The following WNT1 variants were observed in gnomAD, a reference collection of about 807,000 sequenced individuals.
WNT1 encodes the protein proto-oncogene Wnt-1.
Under a neutral mutation model 21.3 loss-of-function variants are expected in WNT1, and 10 were observed. The observed-to-expected ratio is 0.47, with a 90% CI of 0.29 to 0.80. The LOEUF (loss-of-function observed/expected upper bound fraction) is 0.80. Among genes scored for constraint, WNT1 ranks in the 30% least tolerant of loss-of-function variants. The probability of loss-of-function intolerance (pLI) is 0.09; values close to 1 mark genes in which losing one functional copy is unlikely to be tolerated. For missense variants in WNT1, 476 were observed against 534.1 expected, an observed-to-expected ratio of 0.89 and a Z score of 1.07; for synonymous variants, 208 against 236.3, an observed-to-expected ratio of 0.88 and a Z score of 1.10.
rs547600403 is a variant in WNT1, at chr12:48,980,757, G to T, written c.624+68G>T. 1.8e-4 allele frequency: 259 copies of T among 1,472,590 alleles called. No individual in the cohort carries two copies. In the African/African-American group the frequency reaches 3.4e-3, roughly 19 times the overall value. The allele number at this position is 1,472,590 out of a possible 1,614,324, so 91.2% of individuals were successfully genotyped here. A position where few individuals can be genotyped will look rare whatever the true frequency, so the allele number is the denominator to read the frequency against. On this transcript the variant is annotated intron_variant, in intron 3 of 3. Transcript: ENST00000293549. The surrounding 1 kb of genome is among the most constrained non-coding windows in gnomAD (Gnocchi z 7.0). ...GCCAACCTCGGGCTGGGGAAGTGACGGTCGGTGAGATAAGGCAAGGGGCAC... is the reference window on the plus strand; with the variant it reads ...GCCAACCTCGGGCTGGGGAAGTGACTGTCGGTGAGATAAGGCAAGGGGCAC...
rs1470641071 is a variant in WNT1, at chr12:48,982,550, A to G, written c.*910A>G. Among the ~76,000 whole-genome samples the G allele has an allele frequency of 2.6e-5, 4 of 152,230 alleles. No homozygotes were observed. The highest frequency in any genetic ancestry group is 4.4e-5 in the Non-Finnish European group (3 of 68,000). On this transcript the variant is annotated 3_prime_UTR_variant, in exon 4 of 4. Transcript: ENST00000293549. ...ATCAGTATTTCCTTCCACTGTAGCT[A>G]TTAGCGGCTCCTCGCCCCCACCAGT... is the stretch of plus-strand genomic sequence containing the variant.
At position 48,978,710 on chromosome 12, in the gene WNT1, C is replaced by T. The variant is rs776389026; in HGVS notation, c.60C>T (p.Ala20=). Residue 20 remains alanine (A), a synonymous_variant, in exon 1 of 4, where the codon GCC becomes GCT. Transcript: ENST00000293549. The surrounding 1 kb of genome is among the most constrained non-coding windows in gnomAD (Gnocchi z 7.4). ...WVSATLLLAL[A]ALPAALAANS... ...CTGCTACGCTGCTGCTGGCGCTGGC[C>T]GCTCTGCCCGCAGCCCTGGCTGCCA... 6.2e-7 allele frequency: 1 copy of T among 1,603,946 alleles called. No homozygotes were observed. The highest frequency in any genetic ancestry group is 1.7e-5 in the Admixed American group (1 of 59,836).
Position 48,980,346 on chromosome 12 carries a change from C to T in WNT1, c.359-78C>T. 1.3e-6 allele frequency: 2 copies of T among 1,545,768 alleles called. No individual in the cohort carries two copies. Among genetic ancestry groups the T allele is most frequent in the Non-Finnish European group, 8.9e-7 (1 of 1,128,796 alleles). Reference sequence around the variant, plus strand: ...AAAGTGCGGAGTCGGGGGTGGGATTCCGGTCCCAAGCCCTTCATGAGGGTG... The same window carrying T: ...AAAGTGCGGAGTCGGGGGTGGGATTTCGGTCCCAAGCCCTTCATGAGGGTG... On this transcript the variant is annotated intron_variant, in intron 2 of 3. Coordinates refer to ENST00000293549, the MANE Select transcript of WNT1 (RefSeq NM_005430.4). The surrounding 1 kb of genome is among the most constrained non-coding windows in gnomAD (Gnocchi z 7.0).
At position 48,982,115 on chromosome 12, in the gene WNT1, G is replaced by C. The variant is rs1941024234; in HGVS notation, c.*475G>C. On this transcript the variant is annotated 3_prime_UTR_variant, in exon 4 of 4. Transcript: ENST00000293549. ...ACCCTGAACCCACACCTGGGCATCAGGGCCTTTCTCCTCCCCACCTGTAGC... is the reference window on the plus strand; with the variant it reads ...ACCCTGAACCCACACCTGGGCATCACGGCCTTTCTCCTCCCCACCTGTAGC... Among the ~76,000 whole-genome samples the C allele has an allele frequency of 6.6e-6, 1 of 152,186 alleles. No individual in the cohort carries two copies. The highest frequency in any genetic ancestry group is 1.5e-5 in the Non-Finnish European group (1 of 68,022).
Position 48,979,871 on chromosome 12 carries a change from C to A in WNT1, c.358+150C>A. 8.3e-7 allele frequency: 1 copy of A among 1,207,382 alleles called. No individual in the cohort carries two copies. Among genetic ancestry groups the A allele is most frequent in the Non-Finnish European group, 1.1e-6 (1 of 897,690 alleles). 74.8% of individuals were successfully genotyped at this position (1,207,382 alleles called of 1,614,324 possible). ...AAGTGCCTCGTGCCCAGCGCCAGCT[C>A]GGGGCCAGACTTCTACCAGGCGTTT... On this transcript the variant is annotated intron_variant, in intron 2 of 3. Transcript: ENST00000293549. This position sits in a 1 kb window ranked among gnomAD's most constrained non-coding sequence, Gnocchi z 6.0.
chr12:48,981,440 C>G lies in WNT1; in HGVS notation c.913C>G (p.Leu305Val), dbSNP rs776468931. 2.9e-5 allele frequency: 46 copies of G among 1,569,250 alleles called. No individual in the cohort carries two copies. Among genetic ancestry groups the G allele is most frequent in the Non-Finnish European group, 3.9e-5 (45 of 1,156,930 alleles). ...CAACTTCTGCACGTACAGCGGACGC[C>G]TGGGCACAGCAGGCACGGCAGGGCG... is the stretch of plus-strand genomic sequence containing the variant. ...SPNFCTYSGR[L>V]GTAGTAGRAC... The change falls in exon 4 of 4, where the codon CTG (leucine) becomes GTG (valine). Residue 305 changes from leucine (L) to valine (V), a missense_variant. Coordinates refer to ENST00000293549, the MANE Select transcript of WNT1 (RefSeq NM_005430.4). The surrounding 1 kb of genome is among the most constrained non-coding windows in gnomAD (Gnocchi z 7.4).
Position 48,981,129 on chromosome 12 carries a change from T to C in WNT1, c.625-23T>C. On this transcript the variant is annotated intron_variant, in intron 3 of 3. Coordinates refer to ENST00000293549, the MANE Select transcript of WNT1 (RefSeq NM_005430.4). This position sits in a 1 kb window ranked among gnomAD's most constrained non-coding sequence, Gnocchi z 7.4. Reference sequence around the variant, plus strand: ...ACTCTGGCCCGGTGCCCTGGGACACTCTTTCTTCCCCTATCCCCGCAGACC... The same window carrying C: ...ACTCTGGCCCGGTGCCCTGGGACACCCTTTCTTCCCCTATCCCCGCAGACC... The C allele has an allele frequency of 1.2e-6, 2 of 1,608,530 alleles. No homozygotes were observed. Among genetic ancestry groups the C allele is most frequent in the South Asian group, 1.1e-5 (1 of 90,706 alleles).
rs1940991962 is a variant in WNT1 at position 48,980,251 on chromosome 12, A to T, written c.359-173A>T. On this transcript the variant is annotated intron_variant, in intron 2 of 3. Transcript: ENST00000293549. The surrounding 1 kb of genome is among the most constrained non-coding windows in gnomAD (Gnocchi z 7.0). ...CGCCCGTGGACGTGGCTGCGTGCCC[A>T]CGCACCTGCTTTCTCTACTAGCCCT... 6.6e-6 allele frequency among the ~76,000 whole-genome samples: 1 copy of T among 152,236 alleles called. No homozygotes were observed. Among genetic ancestry groups the T allele is most frequent in the Non-Finnish European group, 1.5e-5 (1 of 68,050 alleles).
chr12:48,980,177 C>T lies in WNT1; in HGVS notation c.359-247C>T, dbSNP rs1940990988. Among the ~76,000 whole-genome samples, 1 of 152,220 alleles carries T rather than the reference C, an allele frequency of 6.6e-6. No homozygotes were observed. Among genetic ancestry groups the T allele is most frequent in the Non-Finnish European group, 1.5e-5 (1 of 68,042 alleles). On this transcript the variant is annotated intron_variant, in intron 2 of 3. Transcript: ENST00000293549. This position sits in a 1 kb window ranked among gnomAD's most constrained non-coding sequence, Gnocchi z 7.0. ...TGTCTCTCTGGGGCTGCTCCACTTC[C>T]GCTATCGAGCCAAAATGCGCCCTAG...
At position 48,981,016 on chromosome 12, in the gene WNT1, C is replaced by T; in HGVS notation, c.625-136C>T. On this transcript the variant is annotated intron_variant, in intron 3 of 3. Transcript: ENST00000293549. This position sits in a 1 kb window ranked among gnomAD's most constrained non-coding sequence, Gnocchi z 7.4. ...CAAATCTCAGCGGAACATTTCGCGC[C>T]TCCCTTCCCCTGGGCTCAGCTAGGC... 1 of 1,402,588 alleles carries T rather than the reference C, an allele frequency of 7.1e-7. No homozygotes were observed. Among genetic ancestry groups the T allele is most frequent in the Middle Eastern group, 2.0e-4 (1 of 5,030 alleles). The allele number at this position is 1,402,588 out of a possible 1,614,324, so 86.9% of individuals were successfully genotyped here.
chr12:48,980,974 G>A lies in WNT1; in HGVS notation c.625-178G>A, dbSNP rs1366674728. 6.6e-6 allele frequency among the ~76,000 whole-genome samples: 1 copy of A among 152,218 alleles called. No homozygotes were observed. The highest frequency in any genetic ancestry group is 1.9e-4 in the East Asian group (1 of 5,190). On this transcript the variant is annotated intron_variant, in intron 3 of 3. Transcript: ENST00000293549. The surrounding 1 kb of genome is among the most constrained non-coding windows in gnomAD (Gnocchi z 7.0). The stretch of plus-strand genomic sequence containing the variant: ...GAGACTGACTCGCCGCGGCGGAGCA[G>A]GGTTGGGCAGGGTTTCCAAATCTCA...
In WNT1 at chr12:48,980,618, G is replaced by T. The variant is rs751460603; in HGVS notation, c.553G>T (p.Val185Leu). The T allele has an allele frequency of 6.2e-7, 1 of 1,603,162 alleles. No homozygotes were observed. The highest frequency in any genetic ancestry group is 8.5e-7 in the Non-Finnish European group (1 of 1,174,352). The part of the protein sequence containing the change: ...DFGRLFGREF[V>L]DSGEKGRDLR... ...CGGCCGCCTCTTCGGCCGGGAGTTC[G>T]TGGACTCCGGGGAGAAGGGGCGGGA... The change falls in exon 3 of 4, where the codon GTG (valine) becomes TTG (leucine). Residue 185 changes from valine (V) to leucine (L), a missense_variant. By Grantham distance (32) the Val-to-Leu change is conservative. Transcript: ENST00000293549. This position sits in a 1 kb window ranked among gnomAD's most constrained non-coding sequence, Gnocchi z 7.0.
Position 48,978,325 on chromosome 12 carries a change from C to A in WNT1, c.-326C>A, listed in dbSNP as rs57696208. On this transcript the variant is annotated 5_prime_UTR_variant, in exon 1 of 4. Coordinates refer to ENST00000293549, the MANE Select transcript of WNT1 (RefSeq NM_005430.4). This position sits in a 1 kb window ranked among gnomAD's most constrained non-coding sequence, Gnocchi z 7.4. ...CCAACCCGTCAGCTCTCGGCTCAGACGGGCGGGAACCACAGCCCCGCTCGC... is the reference window on the plus strand; with the variant it reads ...CCAACCCGTCAGCTCTCGGCTCAGAAGGGCGGGAACCACAGCCCCGCTCGC... The A allele has an allele frequency of 2.9e-6, 1 of 349,780 alleles. No homozygotes were observed. Among genetic ancestry groups the A allele is most frequent in the Non-Finnish European group, 5.3e-6 (1 of 189,420 alleles). 21.7% of individuals were successfully genotyped at this position (349,780 alleles called of 1,614,324 possible). A position where few individuals can be genotyped will look rare whatever the true frequency, so the allele number is the denominator to read the frequency against.
Position 48,979,477 on chromosome 12 carries a change from G to C in WNT1, c.114G>C (p.Val38=), listed in dbSNP as rs1940981759. The C allele has an allele frequency of 6.2e-6, 10 of 1,610,186 alleles. No individual in the cohort carries two copies. The highest frequency in any genetic ancestry group is 7.6e-6 in the Non-Finnish European group (9 of 1,177,416). Residue 38 remains valine (V), a synonymous_variant, in exon 2 of 4, where the codon GTG becomes GTC. Transcript: ENST00000293549. This position sits in a 1 kb window ranked among gnomAD's most constrained non-coding sequence, Gnocchi z 6.0. The part of the protein sequence containing the change: ...ANSSGRWWGI[V]NVASSTNLLT... ...TCATACGTCCCACCAGGGGTATTGT[G>C]AACGTAGCCTCCTCCACGAACCTGC...
At position 48,981,136 on chromosome 12, in the gene WNT1, T is replaced by C. The variant is rs1227445309; in HGVS notation, c.625-16T>C. On this transcript the variant is annotated splice_polypyrimidine_tract_variant and intron_variant, in intron 3 of 3. Transcript: ENST00000293549. The surrounding 1 kb of genome is among the most constrained non-coding windows in gnomAD (Gnocchi z 7.4). ...CCCGGTGCCCTGGGACACTCTTTCTTCCCCTATCCCCGCAGACCGTATTCT... is the reference window on the plus strand; with the variant it reads ...CCCGGTGCCCTGGGACACTCTTTCTCCCCCTATCCCCGCAGACCGTATTCT... The C allele has an allele frequency of 1.2e-6, 2 of 1,609,490 alleles. No individual in the cohort carries two copies. The highest frequency in any genetic ancestry group is 1.7e-6 in the Non-Finnish European group (2 of 1,178,634).
rs1940986729 is a variant in WNT1 at position 48,979,819 on chromosome 12, C to T, written c.358+98C>T. The T allele has an allele frequency of 9.1e-6, 13 of 1,432,654 alleles. No homozygotes were observed. The South Asian group carries it at 1.6e-4, about 18-fold the overall frequency. The allele number at this position is 1,432,654 out of a possible 1,614,324, so 88.7% of individuals were successfully genotyped here. On this transcript the variant is annotated intron_variant, in intron 2 of 3. Coordinates refer to ENST00000293549, the MANE Select transcript of WNT1 (RefSeq NM_005430.4). This position sits in a 1 kb window ranked among gnomAD's most constrained non-coding sequence, Gnocchi z 6.0. ...AGTTCAGAGAAGGTGTCCCAGGCGC[C>T]TGGAGGGTCACACAATCAACCTTGC...
chr12:48,981,497 G>C lies in WNT1; in HGVS notation c.970G>C (p.Gly324Arg), dbSNP rs765259238. The C allele has an allele frequency of 5.2e-6, 8 of 1,550,664 alleles. No individual in the cohort carries two copies. Among genetic ancestry groups the C allele is most frequent in the Middle Eastern group, 1.7e-4 (1 of 5,980 alleles). Residue 324 changes from glycine (G) to arginine (R), a missense_variant, in exon 4 of 4, where the codon GGC becomes CGC. Physicochemically the swap from Gly to Arg is moderately radical, Grantham distance 125. Coordinates refer to ENST00000293549, the MANE Select transcript of WNT1 (RefSeq NM_005430.4). This position sits in a 1 kb window ranked among gnomAD's most constrained non-coding sequence, Gnocchi z 7.4. The part of the protein sequence containing the change: ...ACNSSSPALD[G>R]CELLCCGRGH... Reference sequence around the variant, plus strand: ...TAACAGCTCGTCGCCCGCGCTGGACGGCTGCGAGCTGCTCTGCTGCGGCAG... The same window carrying C: ...TAACAGCTCGTCGCCCGCGCTGGACCGCTGCGAGCTGCTCTGCTGCGGCAG...
Position 48,979,341 on chromosome 12 carries a change from C to G in WNT1, c.105-127C>G, listed in dbSNP as rs1940979022. On this transcript the variant is annotated intron_variant, in intron 1 of 3. Coordinates refer to ENST00000293549, the MANE Select transcript of WNT1 (RefSeq NM_005430.4). This position sits in a 1 kb window ranked among gnomAD's most constrained non-coding sequence, Gnocchi z 6.0. ...TTTCAAATTAGTGAGCCTGGGAGAG[C>G]GGGTATTATTAATCTCCCGCCATTC... 4.0e-6 allele frequency: 5 copies of G among 1,236,842 alleles called. No individual in the cohort carries two copies. Among genetic ancestry groups the G allele is most frequent in the East Asian group, 2.4e-5 (1 of 42,084 alleles). The allele number at this position is 1,236,842 out of a possible 1,614,324, so 76.6% of individuals were successfully genotyped here. A position where few individuals can be genotyped will look rare whatever the true frequency, so the allele number is the denominator to read the frequency against.
Position 48,980,675 on chromosome 12 carries a change from G to C in WNT1, c.610G>C (p.Glu204Gln), listed in dbSNP as rs760983786. Residue 204 changes from glutamate (E) to glutamine (Q), a missense_variant, in exon 3 of 4, where the codon GAG (glutamate) becomes CAG (glutamine). Transcript: ENST00000293549. The surrounding 1 kb of genome is among the most constrained non-coding windows in gnomAD (Gnocchi z 7.0). ...LRFLMNLHNN[E>Q]AGRTTVFSEM... ...CTTCCTCATGAACCTTCACAACAAC[G>C]AGGCAGGCCGTACGGTGAGCTTTGA... 3.2e-6 allele frequency: 5 copies of C among 1,554,850 alleles called. No individual in the cohort carries two copies. In the East Asian group the frequency reaches 9.0e-5, roughly 28 times the overall value.
Sources: allele counts gnomAD v4.1 joint callset (sites outside exome capture counted in the v4.1 genomes callset), GRCh38; gene constraint gnomAD v4.1.1; non-coding constraint Gnocchi (gnomAD v3.1); transcripts MANE v1.5; gene names NCBI Gene and HGNC (gene_info 2026-07-23, HGNC 2026-07-21).